FAF1: variants seen among roughly 807,000 people sequenced by gnomAD.
FAF1 encodes Fas associated factor 1.
A neutral mutation model predicts 92.5 loss-of-function variants in FAF1; 25 were observed. The ratio of observed to expected loss-of-function variants is 0.27; its 90% CI spans 0.20 to 0.38. FAF1 has a LOEUF of 0.38. Among genes scored for constraint, FAF1 ranks in the 10% least tolerant of loss-of-function variants. The pLI is 1.00. For synonymous variants in FAF1, 234 were observed against 273.2 expected (o/e 0.86, Z 1.42); for missense variants, 636 against 793.3 (o/e 0.80, Z 2.38).
chr1:50,500,406 T>C (rs961050602), intron 15 of FAF1, among the ~76,000 whole-genome samples: 1 of 152,152 alleles, frequency 6.6e-6, no homozygotes, highest in Non-Finnish European at 1.5e-5. Context: ...GGCAATGTAG[T>C]GGAAAAAGGA....
intron 8 of FAF1, among the ~76,000 whole-genome samples, chr1:50,605,333 C>T (rs1463074465): frequency 2.0e-5 from 3 of 152,222 alleles, no homozygotes; most frequent in African/African-American, 7.2e-5. Context: ...AAGTATTTTA[C>T]GTCATTAAAA....
At chr1:50,466,738 T>C (rs1646501120) in intron 18 of FAF1, among the ~76,000 whole-genome samples, 1 of 152,212 alleles carries the variant, frequency 6.6e-6, no homozygotes, top group Admixed American at 6.5e-5. Flanking sequence ...CTCCTTCGCC[T>C]GGTATTCCAG....
chr1:50,618,649 CT>C (rs1446756419), intron 8 of FAF1, among the ~76,000 whole-genome samples: 1 of 151,896 alleles, frequency 6.6e-6, no homozygotes, highest in Non-Finnish European at 1.5e-5. Context: ...ATAGTTAAGT[CT>C]TCCTGTTGTG....
At chr1:50,772,101 A>AT (rs1341112534) in intron 4 of FAF1, among the ~76,000 whole-genome samples, 11 of 152,124 alleles carry the variant, frequency 7.2e-5, no homozygotes, top group Non-Finnish European at 1.0e-4. Flanking sequence ...TGCAAGAAAC[A>AT]TTTTTTTCTC....
intron 18 of FAF1, among the ~76,000 whole-genome samples, chr1:50,474,286 T>C (rs145774050): frequency 3.2e-3 from 494 of 152,300 alleles, no homozygotes; most frequent in African/African-American, 0.012. Context: ...GAGGTAATGT[T>C]CCTTAAATGA....
intron 8 of FAF1, among the ~76,000 whole-genome samples, chr1:50,618,414 G>GTTTTTTTTT (rs540421778): frequency 8.1e-4 from 91 of 111,880 alleles, no homozygotes; most frequent in East Asian, 1.8e-3. Flanking sequence ...AGTTTTTAGA[G>GTTTTTTTTT]TTTTTTTTTT....
intron 6 of FAF1, among the ~76,000 whole-genome samples, chr1:50,721,560 TAA>T (rs1323911958): frequency 6.6e-6 from 1 of 152,092 alleles, no homozygotes; most frequent in African/African-American, 2.4e-5. Context: ...CTTACATATA[TAA>T]AGTTTTCAAA....
At chr1:50,824,252 C>A (rs865954656) in intron 2 of FAF1, among the ~76,000 whole-genome samples, 18 of 152,092 alleles carry the variant, frequency 1.2e-4, no homozygotes, top group African/African-American at 4.3e-4. Context: ...CTAGGCTTAT[C>A]CATTCCAGTA....
Position 50,462,483 on chromosome 1 carries a change from T to C in FAF1, c.1869+12981A>G, listed in dbSNP as rs1646444553. On this transcript the variant is annotated intron_variant, in intron 18 of 18. Coordinates refer to ENST00000396153, the MANE Select transcript of FAF1 (RefSeq NM_007051.3). ...ATAAATCATCCTTACAGTGTTGATC[T>C]GTATTTGTTTATAGTAACAAGCAAG... Among the ~76,000 whole-genome samples, 3 of 152,176 alleles carry C rather than the reference T, an allele frequency of 2.0e-5. No homozygotes were observed. In the South Asian group the frequency reaches 6.2e-4, roughly 32 times the overall value.
At chr1:50,627,416 T>C (rs924333105) in intron 8 of FAF1, among the ~76,000 whole-genome samples, 2 of 152,036 alleles carry the variant, frequency 1.3e-5, no homozygotes, top group African/African-American at 4.8e-5. Context: ...AGCCCAGAAG[T>C]GAAAACTATC....
chr1:50,627,451 G>A (rs1653558333), intron 8 of FAF1, among the ~76,000 whole-genome samples: 1 of 151,984 alleles, frequency 6.6e-6, no homozygotes, highest in South Asian at 2.1e-4. Flanking sequence ...ATCAATAGTA[G>A]AACAGATAAA....
At chr1:50,504,307 C>T (rs747630549) in intron 15 of FAF1, among the ~76,000 whole-genome samples, 3 of 150,114 alleles carry the variant, frequency 2.0e-5, no homozygotes, top group Admixed American at 6.7e-5. Flanking sequence ...TTAAGCAATA[C>T]CTAAAGAGAT....
At chr1:50,887,171 A>C (rs1644673286) in intron 1 of FAF1, among the ~76,000 whole-genome samples, 1 of 152,218 alleles carries the variant, frequency 6.6e-6, no homozygotes, top group African/African-American at 2.4e-5. Flanking sequence ...GGCTGCATAA[A>C]TGTCTTCTTT....
intron 7 of FAF1, among the ~76,000 whole-genome samples, chr1:50,703,386 T>G (rs964136076): frequency 1.3e-5 from 2 of 152,066 alleles, no homozygotes; most frequent in African/African-American, 4.8e-5. Context: ...AACTACCCCC[T>G]CCATCACAGG....
chr1:50,582,583 C>T (rs770304467), intron 12 of FAF1, 35 bp downstream of exon 12: 69 of 1,353,126 alleles, frequency 5.1e-5, no homozygotes, highest in Non-Finnish European at 7.2e-5. Flanking sequence ...CTGTGGGATG[C>T]ACTTTTTAAT....
At position 50,485,680 on chromosome 1, in the gene FAF1, A is replaced by AC. The variant is rs1488062874; in HGVS notation, c.1653+4907_1653+4908insG. ...GCGAGACTGTCTCAAAAAAAAAAAAAAAAAAAAAAAAAAAAACCAAAAAAA... is the reference window on the plus strand; with the variant it reads ...GCGAGACTGTCTCAAAAAAAAAAAAACAAAAAAAAAAAAAAAACCAAAAAAA... On this transcript the variant is annotated intron_variant, in intron 17 of 18. Coordinates refer to ENST00000396153, the MANE Select transcript of FAF1 (RefSeq NM_007051.3). Among the ~76,000 whole-genome samples, 19 of 149,996 alleles carry AC rather than the reference A, an allele frequency of 1.3e-4. No individual in the cohort carries two copies. The East Asian group carries it at 3.7e-3, about 29-fold the overall frequency.
rs71850142 is a variant in FAF1 at position 50,472,368 on chromosome 1, T to TACACACACACACACACAC, written c.1869+3078_1869+3095dup. On this transcript the variant is annotated intron_variant, in intron 18 of 18. Transcript: ENST00000396153. ...GTTATTAGCAAAATTGGGGAAAACA[T>TACACACACACACACACAC]ACACACACACACACACACACACACA... Among the ~76,000 whole-genome samples the TACACACACACACACACAC allele has an allele frequency of 7.3e-5, 9 of 123,886 alleles. 1 individual carries two copies. Among genetic ancestry groups the TACACACACACACACACAC allele is most frequent in the African/African-American group, 9.3e-5 (3 of 32,226 alleles). The allele number at this position is 123,886 out of a possible 152,430, so 81.3% of individuals were successfully genotyped here.
intron 1 of FAF1, among the ~76,000 whole-genome samples, chr1:50,934,119 AGTGGT>A (rs1343777920): frequency 3.9e-5 from 6 of 152,294 alleles, no homozygotes; most frequent in African/African-American, 1.4e-4. Flanking sequence ...CCTATTTATT[AGTGGT>A]TGTTCTCAGA....
chr1:50,783,918 A>T (rs1661271537), intron 4 of FAF1, among the ~76,000 whole-genome samples: 1 of 152,196 alleles, frequency 6.6e-6, no homozygotes, highest in South Asian at 2.1e-4. Context: ...AATGTGATAC[A>T]CCACATTAAA....
Sources: gnomAD v4.1 joint callset for allele counts (sites outside exome capture counted in the v4.1 genomes callset) on GRCh38, gnomAD v4.1.1 for gene constraint, MANE v1.5 for transcripts, NCBI Gene and HGNC (gene_info 2026-07-23, HGNC 2026-07-21) for gene names.